Variants in ALDH7A1 observed in about 807,000 individuals in gnomAD.
The protein encoded by ALDH7A1 is aldehyde dehydrogenase 7 family member A1.
ALDH7A1 carries 63 observed loss-of-function variants against 79.9 expected under a neutral mutation model. The ratio of observed to expected loss-of-function variants is 0.79; its 90% CI spans 0.64 to 0.97. The LOEUF is 0.97. Ranked by LOEUF, ALDH7A1 falls within the 50% of genes least tolerant of loss-of-function variation. The pLI is 0.00. For synonymous variants in ALDH7A1, 240 were observed against 231.2 expected (o/e 1.04, Z -0.34); for missense variants, 627 against 665.2 (o/e 0.94, Z 0.63).
At chr5:126,575,610 G>A (rs959200021) in intron 6 of ALDH7A1, 146 bp from the exon 7 acceptor site, 3 of 677,702 alleles carry the variant, frequency 4.4e-6, no homozygotes, top group Non-Finnish European at 7.3e-6. Context: ...AACTGAAACA[G>A]AAATCTGTCC....
intron 3 of ALDH7A1, among the ~76,000 whole-genome samples, chr5:126,590,171 AG>A (rs1281591807): frequency 1.3e-5 from 2 of 151,364 alleles, no homozygotes; most frequent in Non-Finnish European, 2.9e-5. Flanking sequence ...CTGTCTGGGA[AG>A]TGAAGAGCGC....
intron 7 of ALDH7A1, among the ~76,000 whole-genome samples, chr5:126,573,675 T>C (rs61701536): frequency 0.14 from 20,588 of 143,542 alleles, 1,794 homozygotes; most frequent in African/African-American, 0.26. Context: ...TCTAGCCTGG[T>C]GACAGAGCAA....
intron 3 of ALDH7A1, chr5:126,587,286 C>A (rs990649333): frequency 6.6e-6 from 1 of 152,118 alleles, no homozygotes; most frequent in Admixed American, 6.6e-5. Flanking sequence ...TATAAACTAC[C>A]TTTCCATATG....
At chr5:126,590,403 A>T (rs193198950) in intron 3 of ALDH7A1, among the ~76,000 whole-genome samples, 15 of 152,290 alleles carry the variant, frequency 9.8e-5, no homozygotes, top group African/African-American at 2.6e-4. Flanking sequence ...TATATTTTTT[A>T]AAAAAATTAG....
intron 11 of ALDH7A1, among the ~76,000 whole-genome samples, chr5:126,556,968 A>G (rs577319929): frequency 6.4e-4 from 97 of 152,330 alleles, no homozygotes; most frequent in African/African-American, 2.0e-3. Context: ...GACTAATATT[A>G]CCTATTAATA....
intron 3 of ALDH7A1, among the ~76,000 whole-genome samples, 161 bp from the exon 4 acceptor site, chr5:126,584,173 A>G (rs1379216671): frequency 6.6e-6 from 1 of 152,232 alleles, no homozygotes; most frequent in Non-Finnish European, 1.5e-5. Flanking sequence ...AGCCAAAATA[A>G]GAAGCAAGGC....
At position 126,593,343 on chromosome 5, in the gene ALDH7A1, A is replaced by ACACT. The variant is rs1751619608; in HGVS notation, c.246+7_246+8insAGTG. 1 of 1,608,164 alleles carries ACACT rather than the reference A, an allele frequency of 6.2e-7. No homozygotes were observed. The highest frequency in any genetic ancestry group is 1.4e-5 in the African/African-American group (1 of 73,024). On this transcript the variant is annotated splice_region_variant and intron_variant, in intron 2 of 17. Transcript: ENST00000409134. ...CACACACACACACACACACACACAC[A>ACACT]CTCTTACCTGTCGGACTCTTGCTAT...
In ALDH7A1 at chr5:126,589,193, T is replaced by C. The variant is rs1581401500; in HGVS notation, c.312+3471A>G. ...TTCCTTTGAGACAGAGTTTTGCTCT[T>C]GTTGCCCAGGCTGGGGTGCAATGGC... On this transcript the variant is annotated intron_variant, in intron 3 of 17. Coordinates refer to ENST00000409134, the MANE Select transcript of ALDH7A1 (RefSeq NM_001182.5). 2.0e-5 allele frequency among the ~76,000 whole-genome samples: 3 copies of C among 152,264 alleles called. No individual in the cohort carries two copies. In the East Asian group the frequency reaches 5.8e-4, roughly 30 times the overall value.
At chr5:126,574,422 G>A (rs7737783) in intron 7 of ALDH7A1, among the ~76,000 whole-genome samples, 7,962 of 149,306 alleles carry the variant, frequency 0.053, 217 homozygotes, top group East Asian at 0.15. Context: ...ATAGCCGGGC[G>A]TGGTGGCTCA....
Position 126,582,846 on chromosome 5 carries a change from C to G in ALDH7A1, c.517+5G>C. The G allele has an allele frequency of 1.2e-6, 2 of 1,612,070 alleles. No individual in the cohort carries two copies. Among genetic ancestry groups the G allele is most frequent in the Non-Finnish European group, 1.7e-6 (2 of 1,179,918 alleles). Reference sequence around the variant, plus strand: ...AAACTCAGCTTAACTAATTTCATTGCTTACTTTCAGAAGGCAAGATAGGTC... The same window carrying G: ...AAACTCAGCTTAACTAATTTCATTGGTTACTTTCAGAAGGCAAGATAGGTC... On this transcript the variant is annotated splice_donor_5th_base_variant and intron_variant, in intron 5 of 17. Coordinates refer to ENST00000409134, the MANE Select transcript of ALDH7A1 (RefSeq NM_001182.5).
chr5:126,556,017 T>C lies in ALDH7A1; in HGVS notation c.1009-2A>G, dbSNP rs1288079960. The C allele has an allele frequency of 6.2e-7, 1 of 1,608,888 alleles. No homozygotes were observed. Among genetic ancestry groups the C allele is most frequent in the Non-Finnish European group, 8.5e-7 (1 of 1,176,222 alleles). On this transcript the variant is annotated splice_acceptor_variant, in intron 11 of 17. Transcript: ENST00000409134. LOFTEE classifies it high-confidence loss of function. ...ATCATGGATGCTTTCATGTATAAAC[T>C]AAACGAAAAAAGATATTCAAGGGCA...
intron 16 of ALDH7A1, among the ~76,000 whole-genome samples, chr5:126,547,400 C>T (rs1311783854): frequency 6.6e-6 from 1 of 152,242 alleles, no homozygotes; most frequent in Non-Finnish European, 1.5e-5. Context: ...TCCAGCTACG[C>T]ACATGCTGGG....
intron 12 of ALDH7A1, 197 bp from the exon 13 acceptor site, chr5:126,554,590 C>A: frequency 1.6e-6 from 1 of 609,158 alleles, no homozygotes; most frequent in Non-Finnish European, 3.0e-6. Flanking sequence ...ATCTCCATCC[C>A]AATACTCAAC....
chr5:126,591,009 G>A (rs1219377061), intron 3 of ALDH7A1, among the ~76,000 whole-genome samples: 2 of 151,706 alleles, frequency 1.3e-5, no homozygotes, highest in African/African-American at 2.4e-5. Flanking sequence ...ATAAATACAT[G>A]AAAGACTGGA....
intron 3 of ALDH7A1, among the ~76,000 whole-genome samples, chr5:126,589,723 C>T (rs768611098): frequency 6.6e-6 from 1 of 150,918 alleles, no homozygotes; most frequent in Non-Finnish European, 1.5e-5. Flanking sequence ...GCCCGGCCGC[C>T]CCACCATCTG....
At chr5:126,594,926 G>A (rs766860938) in intron 1 of ALDH7A1, 81 bp downstream of exon 1, 8 of 1,521,614 alleles carry the variant, frequency 5.3e-6, no homozygotes, top group Non-Finnish European at 6.2e-6. Context: ...CAGCGCCAGC[G>A]GGGAGTCGGT....
At chr5:126,574,981 C>T (rs1026070474) in intron 7 of ALDH7A1, among the ~76,000 whole-genome samples, 2 of 152,134 alleles carry the variant, frequency 1.3e-5, no homozygotes, top group Non-Finnish European at 2.9e-5. Flanking sequence ...AGATGCGATA[C>T]ATTTTAGTGT....
intron 8 of ALDH7A1, chr5:126,568,639 G>A: frequency 2.4e-6 from 1 of 423,786 alleles, no homozygotes; most frequent in Non-Finnish European, 4.4e-6. Flanking sequence ...TGAGTGACTG[G>A]ACAATATGAT....
At chr5:126,587,781 T>C (rs1261255163) in intron 3 of ALDH7A1, 3 of 152,124 alleles carry the variant, frequency 2.0e-5, no homozygotes, top group Non-Finnish European at 4.4e-5. Context: ...GGAAAGCTTC[T>C]GTGACGAGAA....
Sources: allele counts gnomAD v4.1 joint callset (sites outside exome capture counted in the v4.1 genomes callset), GRCh38; gene constraint gnomAD v4.1.1; transcripts MANE v1.5; gene names NCBI Gene and HGNC (gene_info 2026-07-23, HGNC 2026-07-21).